POP1: variants seen among roughly 807,000 people sequenced by gnomAD.
The protein encoded by POP1 is POP1 ribonuclease P/MRP subunit.
Under a neutral mutation model 102.2 loss-of-function variants are expected in POP1, and 75 were observed. That is an observed-to-expected ratio of 0.73 (90% confidence interval 0.61 to 0.89). POP1 has a LOEUF of 0.89. Among genes scored for constraint, POP1 ranks in the 40% least tolerant of loss-of-function variants. POP1 has a pLI of 0.00. For synonymous variants in POP1, 436 were observed against 464.1 expected (o/e 0.94, Z 0.78); for missense variants, 1,116 against 1,267.4 (o/e 0.88, Z 1.81).
chr8:98,140,190 G>A lies in POP1; in HGVS notation c.1474+1G>A. The stretch of plus-strand genomic sequence containing the variant: ...GAAGCCATTTTCGAGTTGTTGGGAG[G>A]TATACAAAGGGAAGACTGGGTTGTG... On this transcript the variant is annotated splice_donor_variant, in intron 10 of 15. Coordinates refer to ENST00000401707, the MANE Select transcript of POP1 (RefSeq NM_001145860.2). LOFTEE classifies it high-confidence loss of function. The A allele has an allele frequency of 6.2e-7, 1 of 1,613,522 alleles. No homozygotes were observed. The highest frequency in any genetic ancestry group is 8.5e-7 in the Non-Finnish European group (1 of 1,179,526).
At chr8:98,147,387 AG>A (rs1355304576) in intron 12 of POP1, among the ~76,000 whole-genome samples, 2 of 152,238 alleles carry the variant, frequency 1.3e-5, no homozygotes, top group African/African-American at 4.8e-5. Flanking sequence ...GGCAAAAACC[AG>A]GAAGACTCTA....
intron 4 of POP1, among the ~76,000 whole-genome samples, chr8:98,129,026 T>C (rs1373215142): frequency 6.6e-6 from 1 of 152,162 alleles, no homozygotes; most frequent in Admixed American, 6.6e-5. Flanking sequence ...CAAACGAAAT[T>C]CACAGGCAAT....
At chr8:98,156,005 A>G (rs1323626525) in intron 14 of POP1, 45 bp from the exon 15 acceptor site, 2 of 1,604,618 alleles carry the variant, frequency 1.2e-6, no homozygotes, top group East Asian at 2.2e-5. Context: ...TAGTTTTCCA[A>G]TCCTAAATTG....
Position 98,140,844 on chromosome 8 carries a change from C to T in POP1, c.1550C>T (p.Pro517Leu), listed in dbSNP as rs1169573017. 6.2e-7 allele frequency: 1 copy of T among 1,613,964 alleles called. No individual in the cohort carries two copies. The change falls in exon 11 of 16, where the codon CCC becomes CTC. Residue 517 changes from proline (P) to leucine (L), a missense_variant. Coordinates refer to ENST00000401707, the MANE Select transcript of POP1 (RefSeq NM_001145860.2). ...LTVGDPRINLPQKKSKALPNP... is the reference protein window; with the variant it reads ...LTVGDPRINLLQKKSKALPNP... ...GTTGGGGATCCTCGAATAAATTTGC[C>T]CCAAAAGAAGTCCAAAGCTTTGCCC...
In POP1 at chr8:98,154,718, T is replaced by C. The variant is rs145299715; in HGVS notation, c.2058-1332T>C. On this transcript the variant is annotated intron_variant, in intron 14 of 15. Transcript: ENST00000401707. The stretch of plus-strand genomic sequence containing the variant: ...CAAGATCATTAATTGCAGCCTTGTT[T>C]GGAGGAACAAAAGCTTAAAGACAAT... Among the ~76,000 whole-genome samples, 148 of 152,268 alleles carry C rather than the reference T, an allele frequency of 9.7e-4. 1 individual carries two copies. In the East Asian group the frequency reaches 0.025, roughly 26 times the overall value.
rs1392460421 is a variant in POP1 at position 98,158,184 on chromosome 8, C to T, written c.2988C>T (p.Ser996=). ...CAGGCTTGCTGGATATGCTGTCCAG[C>T]CAGCCTGCAGCGCAGAGGGGCTTAG... is the stretch of plus-strand genomic sequence containing the variant. ...SLTGLLDMLS[S]QPAAQRGLVL... The change falls in exon 16 of 16, where the codon AGC becomes AGT. Residue 996 remains serine, a synonymous_variant. Transcript: ENST00000401707. 1.9e-6 allele frequency: 3 copies of T among 1,611,478 alleles called. No homozygotes were observed. The highest frequency in any genetic ancestry group is 4.5e-5 in the East Asian group (2 of 44,880).
At chr8:98,145,388 A>G (rs1484982415) in intron 11 of POP1, among the ~76,000 whole-genome samples, 3 of 152,180 alleles carry the variant, frequency 2.0e-5, no homozygotes, top group Non-Finnish European at 4.4e-5. Flanking sequence ...ACGCAAACTC[A>G]CAAATTGTCT....
intron 4 of POP1, among the ~76,000 whole-genome samples, chr8:98,129,270 G>A (rs1816306950): frequency 6.6e-6 from 1 of 152,172 alleles, no homozygotes; most frequent in Non-Finnish European, 1.5e-5. Context: ...CTTGAACTGG[G>A]TTTTAATTTT....
chr8:98,136,565 A>G lies in POP1; in HGVS notation c.1095A>G (p.Thr365=). The part of the protein sequence containing the change: ...SAVCIADPLP[T]PSQEKSQTEL... ...TCTGCATCGCTGACCCACTTCCAAC[A>G]CCATCCCAAGAAAAAAGCCAAACTG... The change falls in exon 8 of 16, where the codon ACA becomes ACG. Residue 365 remains threonine, a synonymous_variant. Coordinates refer to ENST00000401707, the MANE Select transcript of POP1 (RefSeq NM_001145860.2). 1 of 1,614,098 alleles carries G rather than the reference A, an allele frequency of 6.2e-7. No individual in the cohort carries two copies.
At chr8:98,153,683 G>A (rs1003153331) in intron 14 of POP1, among the ~76,000 whole-genome samples, 13 of 151,610 alleles carry the variant, frequency 8.6e-5, no homozygotes. Flanking sequence ...GATTACAGGT[G>A]CCCACCACCA....
intron 14 of POP1, 128 bp from the exon 15 acceptor site, chr8:98,155,922 T>TGG (rs1486005626): frequency 4.5e-6 from 3 of 659,354 alleles, no homozygotes; most frequent in Non-Finnish European, 7.6e-6. Flanking sequence ...TGTGTGTGTG[T>TGG]GTGTGTGTGT....
intron 15 of POP1, among the ~76,000 whole-genome samples, chr8:98,157,331 C>T (rs1436289791): frequency 2.6e-5 from 4 of 152,114 alleles, no homozygotes; most frequent in South Asian, 2.1e-4. Flanking sequence ...TCTTTATTTT[C>T]ACCCTCACTG....
chr8:98,131,959 T>G (rs1816394926), intron 5 of POP1, among the ~76,000 whole-genome samples: 1 of 152,186 alleles, frequency 6.6e-6, no homozygotes. Flanking sequence ...CTCACACAGC[T>G]TGTTGGTGGC....
At chr8:98,119,427 G>T (rs1433638896) in intron 1 of POP1, among the ~76,000 whole-genome samples, 2 of 152,194 alleles carry the variant, frequency 1.3e-5, no homozygotes, top group East Asian at 3.8e-4. Flanking sequence ...TGTCTGGCCA[G>T]AGGATACTAA....
At chr8:98,141,628 A>T (rs558494099) in intron 11 of POP1, among the ~76,000 whole-genome samples, 36 of 151,546 alleles carry the variant, frequency 2.4e-4, no homozygotes, top group African/African-American at 7.0e-4. Flanking sequence ...TGGCGTCATC[A>T]CTGCAACCTC....
chr8:98,136,550 T>C lies in POP1; in HGVS notation c.1080T>C (p.Ala360=), dbSNP rs151166801. 3.6e-4 allele frequency: 587 copies of C among 1,614,004 alleles called. 6 individuals are homozygous for C. The East Asian group carries it at 0.013, about 36-fold the overall frequency. Residue 360 remains alanine (A), a synonymous_variant, in exon 8 of 16, where the codon GCT becomes GCC. Transcript: ENST00000401707. ...CCATCAAATCAGCTGTCTGCATCGC[T>C]GACCCACTTCCAACACCATCCCAAG... ...VEPIKSAVCI[A]DPLPTPSQEK...
At chr8:98,149,818 C>T (rs1032443385) in intron 13 of POP1, among the ~76,000 whole-genome samples, 2 of 151,958 alleles carry the variant, frequency 1.3e-5, no homozygotes, top group African/African-American at 4.8e-5. Context: ...TACTTCGATT[C>T]TAGAGAGTGT....
intron 10 of POP1, 60 bp downstream of exon 10, chr8:98,140,249 C>G: frequency 7.4e-7 from 1 of 1,350,212 alleles, no homozygotes; most frequent in Non-Finnish European, 1.1e-6. Flanking sequence ...GAGCCTTTTG[C>G]AGTTGGGCCT....
chr8:98,134,695 A>G (rs1386824598), intron 7 of POP1, 36 bp downstream of exon 7: 1 of 1,560,262 alleles, frequency 6.4e-7, no homozygotes, highest in African/African-American at 1.4e-5. Context: ...TCATTCTGAA[A>G]CTGCATTTTT....
Sources: gnomAD v4.1 joint callset for allele counts (sites outside exome capture counted in the v4.1 genomes callset) on GRCh38, gnomAD v4.1.1 for gene constraint, MANE v1.5 for transcripts, NCBI Gene and HGNC (gene_info 2026-07-23, HGNC 2026-07-21) for gene names.